Variants in BCKDHB observed in about 807,000 individuals in gnomAD.
BCKDHB encodes 2-oxoisovalerate dehydrogenase subunit beta, mitochondrial.
In BCKDHB, 41 loss-of-function variants were observed where a neutral mutation model predicts 48.5. That is an observed-to-expected ratio of 0.85 (90% CI 0.66 to 1.10). BCKDHB has a LOEUF of 1.10. Ranked by LOEUF, BCKDHB falls within the 50% of genes least tolerant of loss-of-function variation. The pLI, the probability that BCKDHB is intolerant of heterozygous loss-of-function variation, is 0.00. For synonymous variants in BCKDHB, 201 were observed against 174.8 expected (o/e 1.15, Z -1.18); for missense variants, 496 against 494.2 (o/e 1.00, Z -0.03).
chr6:80,231,709 G>A (rs1775931116), intron 8 of BCKDHB, among the ~76,000 whole-genome samples: 2 of 152,226 alleles, frequency 1.3e-5, no homozygotes, highest in Non-Finnish European at 2.9e-5. Flanking sequence ...GCTTATGCCT[G>A]TAATCCCAAC....
At chr6:80,466,078 T>C in the BCKDHB span, among the ~76,000 whole-genome samples, 1 of 152,192 alleles carries the variant, frequency 6.6e-6, no homozygotes, top group Non-Finnish European at 1.5e-5. Context: ...GGTACTTAAG[T>C]TGATGTCTTG....
chr6:80,369,237 G>A, the BCKDHB span, among the ~76,000 whole-genome samples: 3 of 125,346 alleles, frequency 2.4e-5, no homozygotes, highest in East Asian at 2.4e-4. Context: ...GTTGTTATTC[G>A]TTATTTGTAT....
chr6:80,302,478 C>A (rs781054105), intron 9 of BCKDHB, among the ~76,000 whole-genome samples: 1 of 152,042 alleles, frequency 6.6e-6, no homozygotes, highest in Non-Finnish European at 1.5e-5. Context: ...ATACCTTTTC[C>A]TTTTGCAAAA....
intron 8 of BCKDHB, among the ~76,000 whole-genome samples, chr6:80,212,205 C>T (rs753455688): frequency 1.6e-4 from 25 of 152,138 alleles, no homozygotes; most frequent in East Asian, 3.9e-4. Context: ...TTTACCAGGG[C>T]GGAGTTTTTC....
At chr6:80,135,571 C>T (rs568035753) in intron 3 of BCKDHB, among the ~76,000 whole-genome samples, 2 of 152,096 alleles carry the variant, frequency 1.3e-5, no homozygotes, top group African/African-American at 4.8e-5. Context: ...TTTTGTTTTC[C>T]AAAGGTGCAC....
chr6:80,203,901 A>T (rs181162848), intron 8 of BCKDHB, among the ~76,000 whole-genome samples: 5 of 152,104 alleles, frequency 3.3e-5, no homozygotes, highest in Admixed American at 2.6e-4. Context: ...ATCTATTTTC[A>T]TATTGATACA....
rs192210049 is a variant in BCKDHB at position 80,175,580 on chromosome 6, G to T, written c.742+4190G>T. 5.8e-4 allele frequency among the ~76,000 whole-genome samples: 89 copies of T among 152,314 alleles called. 1 individual carries two copies. The East Asian group carries it at 0.016, about 27-fold the overall frequency. On this transcript the variant is annotated intron_variant, in intron 6 of 9. Coordinates refer to ENST00000320393, the MANE Select transcript of BCKDHB (RefSeq NM_183050.4). ...ACATTGGCAAAAATTTGAAGAAAAT[G>T]TTACTGGTCATTGCAGTGCCCTTTA...
At chr6:80,196,060 T>C (rs1269409350) in intron 6 of BCKDHB, among the ~76,000 whole-genome samples, 1 of 152,170 alleles carries the variant, frequency 6.6e-6, no homozygotes, top group Non-Finnish European at 1.5e-5. Flanking sequence ...ATGACCTTAT[T>C]ATCTCTGTAA....
chr6:80,243,944 T>C (rs1348213134), intron 8 of BCKDHB, among the ~76,000 whole-genome samples: 1 of 152,262 alleles, frequency 6.6e-6, no homozygotes, highest in African/African-American at 2.4e-5. Flanking sequence ...AAATAATTTA[T>C]CTAAAGATGA....
At chr6:80,185,370 T>C (rs1255218434) in intron 6 of BCKDHB, among the ~76,000 whole-genome samples, 1 of 152,200 alleles carries the variant, frequency 6.6e-6, no homozygotes, top group Non-Finnish European at 1.5e-5. Context: ...CTACCTTTTC[T>C]GGTACCTCCT....
intron 8 of BCKDHB, among the ~76,000 whole-genome samples, chr6:80,227,980 G>A (rs1441432767): frequency 6.6e-6 from 1 of 152,118 alleles, no homozygotes; most frequent in African/African-American, 2.4e-5. Flanking sequence ...TGGTGATTAG[G>A]CTTTTCAGAA....
chr6:80,360,920 G>A, the BCKDHB span, among the ~76,000 whole-genome samples: 2,298 of 145,550 alleles, frequency 0.016, 28 homozygotes, highest in African/African-American at 0.036. Flanking sequence ...CAGGAGAATC[G>A]CTTTAACCAG....
chr6:80,339,844 A>G (rs997083989), intron 9 of BCKDHB, among the ~76,000 whole-genome samples: 16 of 152,094 alleles, frequency 1.1e-4, no homozygotes, highest in African/African-American at 3.6e-4. Flanking sequence ...TCCTAATTCA[A>G]TTTTTTCCCT....
the BCKDHB span, among the ~76,000 whole-genome samples, chr6:80,353,807 C>G: frequency 6.6e-6 from 1 of 152,078 alleles, no homozygotes; most frequent in South Asian, 2.1e-4. Flanking sequence ...GAGCTGAGAT[C>G]ATGCCACTGT....
the BCKDHB span, among the ~76,000 whole-genome samples, chr6:80,375,919 G>A: frequency 3.8e-3 from 578 of 152,254 alleles, 7 homozygotes; most frequent in African/African-American, 0.013. Context: ...TATTACGTGT[G>A]TTGGTTTTGT....
intron 8 of BCKDHB, among the ~76,000 whole-genome samples, chr6:80,218,544 G>T (rs1775274659): frequency 6.6e-6 from 1 of 152,050 alleles, no homozygotes; most frequent in Non-Finnish European, 1.5e-5. Flanking sequence ...TAGTGGGCTT[G>T]CATTCCCTGC....
In BCKDHB at chr6:80,151,840, C is replaced by T. The variant is rs912869117; in HGVS notation, c.344-15838C>T. 2.6e-5 allele frequency among the ~76,000 whole-genome samples: 4 copies of T among 152,116 alleles called. No homozygotes were observed. The East Asian group carries it at 5.8e-4, about 22-fold the overall frequency. On this transcript the variant is annotated intron_variant, in intron 3 of 9. Coordinates refer to ENST00000320393, the MANE Select transcript of BCKDHB (RefSeq NM_183050.4). ...AAATTGACAGCTTGGTAATGTCCTC[C>T]TTGGTGAATGACGCACAAGGGTTTT...
chr6:80,223,639 C>T (rs1483087558), intron 8 of BCKDHB, among the ~76,000 whole-genome samples: 1 of 152,028 alleles, frequency 6.6e-6, no homozygotes, highest in Admixed American at 6.6e-5. Context: ...CTAGACATTG[C>T]TTTAGCTGGA....
the BCKDHB span, among the ~76,000 whole-genome samples, chr6:80,414,006 G>A: frequency 6.6e-6 from 1 of 152,152 alleles, no homozygotes; most frequent in South Asian, 2.1e-4. Flanking sequence ...ACTGATGTGA[G>A]ATGGTATCTC....
Sources: gnomAD v4.1 joint callset for allele counts (sites outside exome capture counted in the v4.1 genomes callset) on GRCh38, gnomAD v4.1.1 for gene constraint, MANE v1.5 for transcripts, NCBI Gene and HGNC (gene_info 2026-07-23, HGNC 2026-07-21) for gene names.